SOX5: variants seen among roughly 807,000 people sequenced by gnomAD.
SOX5 encodes the protein transcription factor SOX-5.
Under a neutral mutation model 92.0 loss-of-function variants are expected in SOX5, and 9 were observed. The ratio of observed to expected loss-of-function variants is 0.10; its 90% confidence interval spans 0.06 to 0.17. The LOEUF (loss-of-function observed/expected upper bound fraction) is 0.17, where lower values mean the gene tolerates loss of function less well. Ranked by LOEUF, SOX5 falls within the 10% of genes least tolerant of loss-of-function variation. The pLI is 1.00. For synonymous variants in SOX5, 344 were observed against 336.3 expected, an observed-to-expected ratio of 1.02 and a Z score of -0.25; for missense variants, 642 against 944.5, an observed-to-expected ratio of 0.68 and a Z score of 4.20.
intron 4 of SOX5, among the ~76,000 whole-genome samples, chr12:24,086,383 G>A (rs1477037455): frequency 6.6e-6 from 1 of 151,738 alleles, no homozygotes; most frequent in Admixed American, 6.6e-5. Context: ...TGTAAAAACT[G>A]CCACAGAAAC....
intron 1 of SOX5, among the ~76,000 whole-genome samples, chr12:23,913,303 G>T (rs973532669): frequency 6.7e-6 from 1 of 149,930 alleles, no homozygotes; most frequent in African/African-American, 2.4e-5. Context: ...AGCTTTTATT[G>T]AACATTGTTG....
intron 1 of SOX5, among the ~76,000 whole-genome samples, chr12:24,398,878 G>A (rs751674287): frequency 1.3e-5 from 2 of 150,878 alleles, no homozygotes; most frequent in African/African-American, 2.5e-5. Context: ...CTGTGGACAC[G>A]TGCACTGGGT....
chr12:24,079,406 G>C (rs1943054487), intron 4 of SOX5, among the ~76,000 whole-genome samples: 1 of 151,882 alleles, frequency 6.6e-6, no homozygotes, highest in Non-Finnish European at 1.5e-5. Flanking sequence ...ATGCAACTTT[G>C]AGGAAAGTTA....
intron 13 of SOX5, among the ~76,000 whole-genome samples, chr12:23,540,570 T>C (rs950297159): frequency 4.6e-5 from 7 of 152,122 alleles, no homozygotes; most frequent in African/African-American, 1.2e-4. Flanking sequence ...CTGGGCAACA[T>C]TGTCATCTCC....
At chr12:23,759,020 C>CACACACAG (rs2094490406) in intron 3 of SOX5, among the ~76,000 whole-genome samples, 1 of 74,530 alleles carries the variant, frequency 1.3e-5, no homozygotes, top group Non-Finnish European at 2.8e-5. Flanking sequence ...AACACACACA[C>CACACACAG]ACACACACAG....
intron 2 of SOX5, among the ~76,000 whole-genome samples, chr12:24,288,434 C>A (rs906854249): frequency 6.6e-6 from 1 of 152,180 alleles, no homozygotes; most frequent in Non-Finnish European, 1.5e-5. Flanking sequence ...CTAAGACTAT[C>A]AGCTCTTAGA....
chr12:24,038,139 A>G (rs751051523), intron 4 of SOX5, among the ~76,000 whole-genome samples: 5 of 152,204 alleles, frequency 3.3e-5, no homozygotes, highest in Non-Finnish European at 7.4e-5. Context: ...TACCAAAATT[A>G]ACACAGGAAG....
At chr12:23,845,892 G>T (rs1044853447) in intron 3 of SOX5, 91 bp downstream of exon 3, 17 of 1,065,690 alleles carry the variant, frequency 1.6e-5, no homozygotes, top group Non-Finnish European at 2.4e-5. Flanking sequence ...TTAACTTTAA[G>T]AGTATAAATC....
intron 2 of SOX5, among the ~76,000 whole-genome samples, chr12:24,313,115 ACTACTTT>A (rs536112823): frequency 2.9e-4 from 44 of 152,338 alleles, no homozygotes; most frequent in Admixed American, 2.1e-3. Context: ...GGGCTTTCTT[ACTACTTT>A]GAAGTGTGTA....
chr12:24,143,621 A>G (rs1165105676), intron 4 of SOX5, among the ~76,000 whole-genome samples: 2 of 152,168 alleles, frequency 1.3e-5, no homozygotes, highest in African/African-American at 4.8e-5. Flanking sequence ...CAGGTAAGAC[A>G]CTAGAGGGAA....
intron 4 of SOX5, among the ~76,000 whole-genome samples, chr12:24,176,977 G>GTTTTTTTTTTTTT (rs11295163): frequency 2.2e-5 from 3 of 135,100 alleles, no homozygotes; most frequent in African/African-American, 5.7e-5. Context: ...TTTGTTTTTT[G>GTTTTTTTTTTTTT]TTTTTTTTTT....
At chr12:23,950,603 T>C (rs1945454295), upstream of SOX5, among the ~76,000 whole-genome samples, 1 of 152,156 alleles carries the variant, frequency 6.6e-6, no homozygotes, top group Non-Finnish European at 1.5e-5. Context: ...ACTAACAAAC[T>C]GTCCTGTTTG....
At chr12:24,192,826 T>TC (rs1403408198) in intron 4 of SOX5, among the ~76,000 whole-genome samples, 1 of 152,080 alleles carries the variant, frequency 6.6e-6, no homozygotes, top group Non-Finnish European at 1.5e-5. Context: ...TCCAGCCTCT[T>TC]CCCCCAGGTA....
rs563606694 is a variant in SOX5, at chr12:24,055,045, C to T, written c.-2+158298G>A. Among the ~76,000 whole-genome samples, 6 of 144,628 alleles carry T rather than the reference C, an allele frequency of 4.1e-5. No homozygotes were observed. The South Asian group carries it at 1.2e-3, about 28-fold the overall frequency. The allele number at this position is 144,628 out of a possible 152,430, so 94.9% of individuals were successfully genotyped here. A position where few individuals can be genotyped will look rare whatever the true frequency, so the allele number is the denominator to read the frequency against. On this transcript the variant is annotated intron_variant, in intron 4 of 4. Coordinates refer to the SOX5 transcript ENST00000446891. Reference sequence around the variant, plus strand: ...GAGTCTATTCAAAAAAGCAACTTAACCAAAATTTTCAAAAAAAAATGAGGA... The same window carrying T: ...GAGTCTATTCAAAAAAGCAACTTAATCAAAATTTTCAAAAAAAAATGAGGA...
chr12:24,334,513 C>T (rs550309163), intron 2 of SOX5, among the ~76,000 whole-genome samples: 31 of 152,212 alleles, frequency 2.0e-4, no homozygotes, highest in African/African-American at 6.7e-4. Context: ...TATTGCCTGT[C>T]GTTTTGCCAA....
intron 1 of SOX5, among the ~76,000 whole-genome samples, chr12:24,419,127 GA>G (rs1225316476): frequency 6.6e-6 from 1 of 151,910 alleles, no homozygotes; most frequent in Non-Finnish European, 1.5e-5. Flanking sequence ...GGAGAAGAAA[GA>G]TTTTTTTTTT....
intron 8 of SOX5, among the ~76,000 whole-genome samples, chr12:23,628,705 C>T (rs1385312262): frequency 1.3e-5 from 2 of 151,956 alleles, no homozygotes; most frequent in African/African-American, 2.4e-5. Context: ...GTTCATCCCT[C>T]CCTTTCCTCT....
chr12:23,736,777 GC>G (rs2093614366), intron 5 of SOX5, among the ~76,000 whole-genome samples: 1 of 145,708 alleles, frequency 6.9e-6, no homozygotes, highest in Non-Finnish European at 1.5e-5. Flanking sequence ...TGCAACCACC[GC>G]CTCCTGAGTT....
At chr12:24,376,740 A>AAT in intron 1 of SOX5, among the ~76,000 whole-genome samples, 1 of 110,288 alleles carries the variant, frequency 9.1e-6, no homozygotes, top group Non-Finnish European at 1.8e-5. Flanking sequence ...ACAGAGTCTC[A>AAT]CTGTCACCCA....
Sources: gnomAD v4.1 joint callset for allele counts (sites outside exome capture counted in the v4.1 genomes callset) on GRCh38, gnomAD v4.1.1 for gene constraint, MANE v1.5 for transcripts, NCBI Gene and HGNC (gene_info 2026-07-23, HGNC 2026-07-21) for gene names.